FBXO42: variants seen among roughly 807,000 people sequenced by gnomAD.
FBXO42 encodes the protein F-box only protein 42.
A neutral mutation model predicts 71.7 loss-of-function variants in FBXO42; 12 were observed. The observed-to-expected ratio is 0.17, with a 90% CI of 0.11 to 0.27. The LOEUF is 0.27. FBXO42 is among the 10% of genes least tolerant of loss of function. The pLI is 1.00. For missense variants in FBXO42, 707 were observed against 911.9 expected (o/e 0.78, Z 2.89); for synonymous variants, 325 against 327.5 (o/e 0.99, Z 0.08).
chr1:16,251,599 C>T lies in FBXO42; in HGVS notation c.1225G>A (p.Gly409Arg). The change falls in exon 10 of 10, where the codon GGA becomes AGA. Residue 409 changes from glycine to arginine, a missense_variant. Physicochemically the swap from Gly to Arg is moderately radical, Grantham distance 125. Transcript: ENST00000375592. This position sits in a 1 kb window ranked among gnomAD's most constrained non-coding sequence, Gnocchi z 4.5. ...DEAPCVNGRW[G>R]TLRPRAQRQT... ...CTTTGAGCCCTGGGTCTCAGTGTTCCCCAGCGGCCGTTAACACAAGGAGCT... is the reference window on the plus strand; with the variant it reads ...CTTTGAGCCCTGGGTCTCAGTGTTCTCCAGCGGCCGTTAACACAAGGAGCT... The T allele has an allele frequency of 6.2e-7, 1 of 1,614,126 alleles. No individual in the cohort carries two copies. Among genetic ancestry groups the T allele is most frequent in the Non-Finnish European group, 8.5e-7 (1 of 1,180,024 alleles).
chr1:16,338,258 C>CT (rs1195743688), intron 1 of FBXO42, among the ~76,000 whole-genome samples: 1 of 139,006 alleles, frequency 7.2e-6, no homozygotes, highest in Non-Finnish European at 1.6e-5. Context: ...GAGACTCCAT[C>CT]TCAAAAAAAA....
intron 4 of FBXO42, among the ~76,000 whole-genome samples, chr1:16,277,157 T>C (rs1298119258): frequency 6.6e-6 from 1 of 152,192 alleles, no homozygotes; most frequent in East Asian, 1.9e-4. Context: ...TAAGACAGAA[T>C]AGAAGCTAGG....
chr1:16,311,215 G>A (rs2082309067), intron 2 of FBXO42, among the ~76,000 whole-genome samples: 1 of 149,604 alleles, frequency 6.7e-6, no homozygotes, highest in Non-Finnish European at 1.5e-5. Flanking sequence ...TGGCATGGTG[G>A]CTCATAATCC....
Position 16,326,880 on chromosome 1 carries a change from C to T in FBXO42, c.-17-11445G>A, listed in dbSNP as rs2082456818. On this transcript the variant is annotated intron_variant, in intron 1 of 9. Transcript: ENST00000375592. The stretch of plus-strand genomic sequence containing the variant: ...GTCATCTAAGTAATGGCTAAAGGCC[C>T]TTAAACAAGATAGGTCTGCTCTGAA... Among the ~76,000 whole-genome samples the T allele has an allele frequency of 3.3e-5, 5 of 152,130 alleles. No individual in the cohort carries two copies. In the South Asian group the frequency reaches 1.0e-3, roughly 32 times the overall value.
intron 2 of FBXO42, among the ~76,000 whole-genome samples, chr1:16,314,600 A>G (rs1275738703): frequency 1.3e-5 from 2 of 152,146 alleles, no homozygotes; most frequent in Admixed American, 6.6e-5. Context: ...TCCCATATCC[A>G]TTTCTATTTT....
rs552032832 is a variant in FBXO42, at chr1:16,301,688, A to C, written c.367+4115T>G. Among the ~76,000 whole-genome samples the C allele has an allele frequency of 1.9e-3, 149 of 79,076 alleles. 1 individual carries two copies. The highest frequency in any genetic ancestry group is 4.7e-3 in the East Asian group (16 of 3,412). 51.9% of individuals were successfully genotyped at this position (79,076 alleles called of 152,430 possible). A position where few individuals can be genotyped will look rare whatever the true frequency, so the allele number is the denominator to read the frequency against. On this transcript the variant is annotated intron_variant, in intron 3 of 9. Coordinates refer to ENST00000375592, the MANE Select transcript of FBXO42 (RefSeq NM_018994.3). ...CCCATCTCAAAAAAAAAAAAACAACAAAAAAAAAAGAAACGGTACAAGAAT... is the reference window on the plus strand; with the variant it reads ...CCCATCTCAAAAAAAAAAAAACAACCAAAAAAAAAGAAACGGTACAAGAAT...
chr1:16,267,130 C>T (rs528094873), intron 4 of FBXO42, among the ~76,000 whole-genome samples: 1 of 152,260 alleles, frequency 6.6e-6, no homozygotes, highest in South Asian at 2.1e-4. Context: ...GGAATGGTCT[C>T]CAAAATACTG....
intron 6 of FBXO42, 127 bp from the exon 7 acceptor site, chr1:16,253,858 G>T: frequency 1.3e-6 from 1 of 763,780 alleles, no homozygotes; most frequent in South Asian, 1.7e-5. Context: ...CACAGACTGT[G>T]TGGGCTGGAG....
chr1:16,347,142 G>C (rs1292732342), intron 1 of FBXO42, among the ~76,000 whole-genome samples: 1 of 151,476 alleles, frequency 6.6e-6, no homozygotes, highest in African/African-American at 2.4e-5. Flanking sequence ...ACACTTATCT[G>C]TGTGTGTGTG....
At chr1:16,342,261 T>C (rs1341429119) in intron 1 of FBXO42, among the ~76,000 whole-genome samples, 3 of 151,594 alleles carry the variant, frequency 2.0e-5, no homozygotes, top group African/African-American at 4.9e-5. Context: ...CCGGGTGTGG[T>C]GGCACATGCC....
At chr1:16,281,263 C>T (rs1402507815) in intron 4 of FBXO42, among the ~76,000 whole-genome samples, 1 of 152,010 alleles carries the variant, frequency 6.6e-6, no homozygotes, top group South Asian at 2.1e-4. Flanking sequence ...TGCCCTGCCT[C>T]GGTTTCCTCA....
chr1:16,337,594 T>C (rs550022993), intron 1 of FBXO42, among the ~76,000 whole-genome samples: 70 of 152,078 alleles, frequency 4.6e-4, no homozygotes, highest in African/African-American at 1.6e-3. Context: ...AAAAGAATAA[T>C]AGGCCAGGCC....
chr1:16,339,904 G>A (rs1179555950), intron 1 of FBXO42, among the ~76,000 whole-genome samples: 3 of 152,186 alleles, frequency 2.0e-5, no homozygotes, highest in African/African-American at 7.2e-5. Context: ...AGTGAGCCAT[G>A]ATTGTACCAC....
At chr1:16,343,099 T>C (rs892132151) in intron 1 of FBXO42, among the ~76,000 whole-genome samples, 2 of 152,152 alleles carry the variant, frequency 1.3e-5, no homozygotes, top group African/African-American at 2.4e-5. Context: ...AAACACAAAA[T>C]GGACTAAGAC....
intron 2 of FBXO42, among the ~76,000 whole-genome samples, chr1:16,307,230 G>C (rs1295666336): frequency 6.6e-6 from 1 of 152,090 alleles, no homozygotes; most frequent in Non-Finnish European, 1.5e-5. Flanking sequence ...CAGGCGCAGT[G>C]GCTCACACCT....
intron 1 of FBXO42, among the ~76,000 whole-genome samples, chr1:16,319,240 C>T (rs1272383867): frequency 6.6e-6 from 1 of 152,052 alleles, no homozygotes; most frequent in East Asian, 1.9e-4. Context: ...AGTGACAGAC[C>T]GGGGAGAGCA....
intron 4 of FBXO42, among the ~76,000 whole-genome samples, chr1:16,260,052 T>C (rs1247765684): frequency 6.6e-6 from 1 of 152,166 alleles, no homozygotes; most frequent in Non-Finnish European, 1.5e-5. Flanking sequence ...TTGTCAACAG[T>C]GTGCCTATGC....
At chr1:16,295,069 T>C (rs993689075) in intron 3 of FBXO42, 152 bp from the exon 4 acceptor site, 3 of 833,006 alleles carry the variant, frequency 3.6e-6, no homozygotes, top group Admixed American at 6.3e-5. Context: ...TGTCTCCAAG[T>C]GGATCAATAT....
chr1:16,339,109 G>A (rs907244667), intron 1 of FBXO42, among the ~76,000 whole-genome samples: 4 of 150,398 alleles, frequency 2.7e-5, no homozygotes, highest in African/African-American at 7.3e-5. Flanking sequence ...CCTGCCCAGC[G>A]GTCATTTATC....
Sources: allele counts gnomAD v4.1 joint callset (sites outside exome capture counted in the v4.1 genomes callset), GRCh38; gene constraint gnomAD v4.1.1; non-coding constraint Gnocchi (gnomAD v3.1); transcripts MANE v1.5; gene names NCBI Gene and HGNC (gene_info 2026-07-23, HGNC 2026-07-21).